FAM184B: variants seen among roughly 807,000 people sequenced by gnomAD.
FAM184B encodes the protein family with sequence similarity 184 member B.
Under a neutral mutation model 135.9 loss-of-function variants are expected in FAM184B, and 111 were observed. The observed-to-expected ratio is 0.82, with a 90% CI of 0.70 to 0.96. The LOEUF is 0.96. Ranked by LOEUF, FAM184B falls within the 40% of genes least tolerant of loss-of-function variation. The probability of loss-of-function intolerance (pLI) is 0.00; values close to 1 mark genes in which losing one functional copy is unlikely to be tolerated. For missense variants in FAM184B, 1,375 were observed against 1,323.9 expected (o/e 1.04, Z -0.60); for synonymous variants, 552 against 524.8 (o/e 1.05, Z -0.71).
intron 14 of FAM184B, among the ~76,000 whole-genome samples, chr4:17,638,113 T>C (rs1715199291): frequency 6.8e-6 from 1 of 147,002 alleles, no homozygotes; most frequent in Non-Finnish European, 1.5e-5. Context: ...TTTCACCGCC[T>C]GGTATGATGT....
chr4:17,659,263 G>A (rs1715855810), intron 9 of FAM184B, among the ~76,000 whole-genome samples: 1 of 151,470 alleles, frequency 6.6e-6, no homozygotes, highest in African/African-American at 2.4e-5. Flanking sequence ...ATGTCACCAT[G>A]CCCGGTAATT....
intron 7 of FAM184B, among the ~76,000 whole-genome samples, chr4:17,680,653 T>C (rs1422359580): frequency 6.6e-6 from 1 of 152,152 alleles, no homozygotes; most frequent in Non-Finnish European, 1.5e-5. Flanking sequence ...AGTCCAGTGC[T>C]CTCTCAGTGC....
chr4:17,728,196 G>T (rs181612685), intron 1 of FAM184B, among the ~76,000 whole-genome samples: 3 of 152,274 alleles, frequency 2.0e-5, no homozygotes, highest in Admixed American at 1.3e-4. Context: ...TGAGGATGAA[G>T]ATGAGGATAG....
chr4:17,767,245 G>A lies in FAM184B; in HGVS notation c.141+13914C>T, dbSNP rs187039722. Among the ~76,000 whole-genome samples, 547 of 152,340 alleles carry A rather than the reference G, an allele frequency of 3.6e-3. 3 individuals are homozygous for A. Among genetic ancestry groups the A allele is most frequent in the African/African-American group, 0.012 (479 of 41,598 alleles). The stretch of plus-strand genomic sequence containing the variant: ...GCTCCAGCCTGGGCCAGCCCAGAGA[G>A]GGGCTCCTGCAGTGCAGCGGTGGGC... On this transcript the variant is annotated intron_variant, in intron 1 of 17. Transcript: ENST00000265018.
At chr4:17,714,212 C>T (rs1717357543) in intron 1 of FAM184B, among the ~76,000 whole-genome samples, 1 of 152,184 alleles carries the variant, frequency 6.6e-6, no homozygotes, top group Non-Finnish European at 1.5e-5. Flanking sequence ...AGAGCTGCTG[C>T]AGAACAGCCA....
In FAM184B at chr4:17,710,966, AG is replaced by A. The variant is rs987449260; in HGVS notation, c.142-1323del. 4.6e-5 allele frequency among the ~76,000 whole-genome samples: 7 copies of A among 152,252 alleles called. No homozygotes were observed. In the South Asian group the frequency reaches 1.0e-3, roughly 23 times the overall value. ...GAGGAGGCAGCCTGAGCTACAGAGG[AG>A]GGGGGTGAAGTCAGGAGAGTTTTGT... On this transcript the variant is annotated intron_variant, in intron 1 of 17. Coordinates refer to ENST00000265018, the MANE Select transcript of FAM184B (RefSeq NM_015688.2).
chr4:17,649,855 T>C (rs989340719), intron 11 of FAM184B, among the ~76,000 whole-genome samples: 19 of 138,902 alleles, frequency 1.4e-4, no homozygotes, highest in African/African-American at 1.8e-4. Context: ...TGTCCATCCA[T>C]CCATCCACCC....
intron 12 of FAM184B, among the ~76,000 whole-genome samples, 157 bp from the exon 13 acceptor site, chr4:17,642,385 C>T (rs1715348580): frequency 6.6e-6 from 1 of 152,190 alleles, no homozygotes; most frequent in African/African-American, 2.4e-5. Context: ...GGACTCCCAT[C>T]TAGTCTCTTA....
chr4:17,725,453 A>T (rs966675609), intron 1 of FAM184B, among the ~76,000 whole-genome samples: 7 of 151,828 alleles, frequency 4.6e-5, no homozygotes, highest in African/African-American at 1.7e-4. Flanking sequence ...AATAGAAACT[A>T]CTCTTTCACA....
Position 17,708,948 on chromosome 4 carries a change from C to A in FAM184B, c.838G>T (p.Gly280Cys), listed in dbSNP as rs1291576220. 6.5e-6 allele frequency: 10 copies of A among 1,548,410 alleles called. No homozygotes were observed. Among genetic ancestry groups the A allele is most frequent in the African/African-American group, 1.4e-5 (1 of 72,888 alleles). Residue 280 changes from glycine to cysteine, a missense_variant, in exon 2 of 18, where the codon GGC becomes TGC. Coordinates refer to ENST00000265018, the MANE Select transcript of FAM184B (RefSeq NM_015688.2). The part of the protein sequence containing the change: ...RKLEGDLEHR[G>C]RKISDLKKYA... ...TTCTTCAGGTCACTTATCTTGCGGC[C>A]TCTGTGCTCCAGGTCTCCTTCCAGC...
chr4:17,671,107 C>T (rs945561928), intron 7 of FAM184B, among the ~76,000 whole-genome samples: 1 of 152,104 alleles, frequency 6.6e-6, no homozygotes, highest in African/African-American at 2.4e-5. Context: ...TCAAAAGGCT[C>T]CTGCACCCCA....
At chr4:17,672,152 G>A (rs893903347) in intron 7 of FAM184B, among the ~76,000 whole-genome samples, 1 of 152,014 alleles carries the variant, frequency 6.6e-6, no homozygotes, top group African/African-American at 2.4e-5. Flanking sequence ...AGCAGCAAGA[G>A]AAAAGCTATT....
At chr4:17,753,738 G>C (rs184864044) in intron 1 of FAM184B, among the ~76,000 whole-genome samples, 14 of 152,314 alleles carry the variant, frequency 9.2e-5, no homozygotes, top group Admixed American at 7.8e-4. Flanking sequence ...CATAGAGGGT[G>C]ATTTATTGGG....
intron 5 of FAM184B, 90 bp from the exon 6 acceptor site, chr4:17,693,502 G>A: frequency 9.9e-7 from 1 of 1,006,302 alleles, no homozygotes; most frequent in Non-Finnish European, 1.5e-6. Context: ...AGAGATCAAA[G>A]AAGCTTATGA....
At chr4:17,721,874 T>C (rs191068769) in intron 1 of FAM184B, among the ~76,000 whole-genome samples, 1 of 152,264 alleles carries the variant, frequency 6.6e-6, no homozygotes, top group East Asian at 1.9e-4. Flanking sequence ...TGGAGACTTG[T>C]GGTATGTGTT....
chr4:17,726,953 C>T (rs148799693), intron 1 of FAM184B, among the ~76,000 whole-genome samples: 1 of 152,250 alleles, frequency 6.6e-6, no homozygotes, highest in East Asian at 1.9e-4. Context: ...TTTCAGGTTG[C>T]ATGGGATCCA....
At chr4:17,763,145 G>A (rs1050750207) in intron 1 of FAM184B, among the ~76,000 whole-genome samples, 4 of 152,084 alleles carry the variant, frequency 2.6e-5, no homozygotes, top group African/African-American at 7.2e-5. Flanking sequence ...AGCAAGGTCC[G>A]ATCATGCCTT....
intron 7 of FAM184B, among the ~76,000 whole-genome samples, chr4:17,681,795 G>C (rs1716447414): frequency 6.6e-6 from 1 of 152,082 alleles, no homozygotes; most frequent in Non-Finnish European, 1.5e-5. Flanking sequence ...CCATTTCCTG[G>C]TGAAGTCATG....
intron 1 of FAM184B, among the ~76,000 whole-genome samples, chr4:17,712,189 G>A (rs1717291659): frequency 6.6e-6 from 1 of 152,202 alleles, no homozygotes; most frequent in Non-Finnish European, 1.5e-5. Flanking sequence ...TATTTTCAAG[G>A]TGCAGCAAGA....
Sources: allele counts gnomAD v4.1 joint callset (sites outside exome capture counted in the v4.1 genomes callset), GRCh38; gene constraint gnomAD v4.1.1; transcripts MANE v1.5; gene names NCBI Gene and HGNC (gene_info 2026-07-23, HGNC 2026-07-21).